Variants in VANGL1 observed in about 807,000 individuals in gnomAD.
VANGL1 encodes the protein vang-like protein 1.
VANGL1 carries 18 observed loss-of-function variants against 48.4 expected under a neutral mutation model. That is an observed-to-expected ratio of 0.37 (90% CI 0.26 to 0.55). VANGL1 has a LOEUF of 0.55. VANGL1 is among the 20% of genes least tolerant of loss of function. VANGL1 has a pLI of 0.81. For missense variants in VANGL1, 667 were observed against 675.8 expected (o/e 0.99, Z 0.14); for synonymous variants, 257 against 261.8 (o/e 0.98, Z 0.18).
At chr1:115,654,575 T>C (rs954064983) in intron 2 of VANGL1, among the ~76,000 whole-genome samples, 3 of 151,850 alleles carry the variant, frequency 2.0e-5, no homozygotes, top group Non-Finnish European at 1.5e-5. Context: ...TCTGATCAGT[T>C]TACCCACCAG....
chr1:115,659,908 TCTCTTGTTGGTCTAAGGA>T lies in VANGL1; in HGVS notation c.204+137_204+154del, dbSNP rs561196624. 1.8e-4 allele frequency: 228 copies of T among 1,263,112 alleles called. 1 individual carries two copies. In the African/African-American group the frequency reaches 3.0e-3, roughly 16 times the overall value. 78.2% of individuals were successfully genotyped at this position (1,263,112 alleles called of 1,614,324 possible). A position where few individuals can be genotyped will look rare whatever the true frequency, so the allele number is the denominator to read the frequency against. ...TAATTAGTTTATCTATGTCCCATGG[TCTCTTGTTGGTCTAAGGA>T]CAGCCTGTCCTGCCCTTTGGTAGCG... On this transcript the variant is annotated intron_variant, in intron 3 of 7. Coordinates refer to ENST00000355485, the MANE Select transcript of VANGL1 (RefSeq NM_138959.3).
Position 115,685,516 on chromosome 1 carries a change from A to G in VANGL1, c.1303A>G (p.Met435Val). The change falls in exon 7 of 8, where the codon ATG becomes GTG. Residue 435 changes from methionine (M) to valine (V), a missense_variant. Coordinates refer to ENST00000355485, the MANE Select transcript of VANGL1 (RefSeq NM_138959.3). ...QHLAFCITNG[M>V]TPKAFLERYL... Reference sequence around the variant, plus strand: ...CCTGGCCTTCTGCATCACCAACGGCATGACCCCCAAGGTGCGCTGCTCCGG... The same window carrying G: ...CCTGGCCTTCTGCATCACCAACGGCGTGACCCCCAAGGTGCGCTGCTCCGG... 3.7e-6 allele frequency: 6 copies of G among 1,614,048 alleles called. No individual in the cohort carries two copies. The highest frequency in any genetic ancestry group is 5.1e-6 in the Non-Finnish European group (6 of 1,180,016).
chr1:115,675,213 A>T (rs921558612), intron 4 of VANGL1, among the ~76,000 whole-genome samples: 1 of 152,190 alleles, frequency 6.6e-6, no homozygotes, highest in Non-Finnish European at 1.5e-5. Flanking sequence ...AAGAATTGTT[A>T]TATGGCTGCC....
At position 115,687,194 on chromosome 1, in the gene VANGL1, A is replaced by G. The variant is rs1017060392; in HGVS notation, c.1314+1667A>G. The stretch of plus-strand genomic sequence containing the variant: ...TACAATCATATATACACATGAATAT[A>G]CACAAAGGTGGTGTTTTGCAAAACA... On this transcript the variant is annotated intron_variant, in intron 7 of 7. Coordinates refer to ENST00000355485, the MANE Select transcript of VANGL1 (RefSeq NM_138959.3). 5.7e-5 allele frequency among the ~76,000 whole-genome samples: 8 copies of G among 139,246 alleles called. 2 individuals are homozygous for G. The highest frequency in any genetic ancestry group is 2.2e-4 in the African/African-American group (8 of 37,194). The allele number at this position is 139,246 out of a possible 152,430, so 91.4% of individuals were successfully genotyped here.
rs1653926919 is a variant in VANGL1, at chr1:115,693,540, C to G, written c.*2161C>G. On this transcript the variant is annotated 3_prime_UTR_variant, in exon 8 of 8. Coordinates refer to ENST00000355485, the MANE Select transcript of VANGL1 (RefSeq NM_138959.3). Reference sequence around the variant, plus strand: ...TTAAAGAATTTATTTTCTCTCTCCCCCTTCCTCTTTCTCCCAGTCTTTGCA... The same window carrying G: ...TTAAAGAATTTATTTTCTCTCTCCCGCTTCCTCTTTCTCCCAGTCTTTGCA... 1 of 152,286 alleles carries G rather than the reference C, an allele frequency of 6.6e-6. No homozygotes were observed. Among genetic ancestry groups the G allele is most frequent in the East Asian group, 1.9e-4 (1 of 5,198 alleles). The allele number at this position is 152,286 out of a possible 1,614,324, so 9.4% of individuals were successfully genotyped here. A position where few individuals can be genotyped will look rare whatever the true frequency, so the allele number is the denominator to read the frequency against.
rs183938394 is a variant in VANGL1 at position 115,691,597 on chromosome 1, G to T, written c.*218G>T. The T allele has an allele frequency of 3.8e-6, 2 of 521,892 alleles. No homozygotes were observed. The highest frequency in any genetic ancestry group is 6.5e-6 in the Non-Finnish European group (2 of 308,740). The allele number at this position is 521,892 out of a possible 1,614,324, so 32.3% of individuals were successfully genotyped here. ...TGACTGATGACATCTGACTTTTGTCGATGGGACTTCTCAAGAAGCCATTCC... is the reference window on the plus strand; with the variant it reads ...TGACTGATGACATCTGACTTTTGTCTATGGGACTTCTCAAGAAGCCATTCC... On this transcript the variant is annotated 3_prime_UTR_variant, in exon 8 of 8. Coordinates refer to ENST00000355485, the MANE Select transcript of VANGL1 (RefSeq NM_138959.3).
chr1:115,673,662 CG>C (rs1302803695), intron 4 of VANGL1, among the ~76,000 whole-genome samples: 1 of 141,914 alleles, frequency 7.0e-6, no homozygotes, highest in Non-Finnish European at 1.5e-5. Context: ...TGCCTTAGTG[CG>C]ATCTCAGCTC....
chr1:115,644,378 A>G (rs923899323), intron 1 of VANGL1, among the ~76,000 whole-genome samples: 33 of 152,244 alleles, frequency 2.2e-4, no homozygotes, highest in Non-Finnish European at 4.3e-4. Context: ...GACTATTACC[A>G]TCATCTCTGT....
Position 115,663,598 on chromosome 1 carries a change from T to C in VANGL1, c.205-63T>C, listed in dbSNP as rs145757689. ...GATGCAGCGGGCCCTGCATGTTCAC[T>C]GCCCTTTGTAGCTTTTACAAATGAC... On this transcript the variant is annotated intron_variant, in intron 3 of 7. Transcript: ENST00000355485. 432 of 1,611,848 alleles carry C rather than the reference T, an allele frequency of 2.7e-4. 5 individuals are homozygous for C. In the East Asian group the frequency reaches 8.6e-3, roughly 32 times the overall value.
intron 3 of VANGL1, 54 bp downstream of exon 3, chr1:115,659,827 CTG>C: frequency 1.2e-6 from 2 of 1,611,738 alleles, no homozygotes; most frequent in East Asian, 2.2e-5. Context: ...AGACTCCTGT[CTG>C]TAAATGTTTT....
chr1:115,665,950 T>C (rs1402060277), intron 4 of VANGL1, among the ~76,000 whole-genome samples: 1 of 152,090 alleles, frequency 6.6e-6, no homozygotes, highest in African/African-American at 2.4e-5. Flanking sequence ...CGCTGTCTGG[T>C]GGACAGGTGC....
chr1:115,649,583 A>G (rs1445358628), intron 1 of VANGL1, among the ~76,000 whole-genome samples: 2 of 152,366 alleles, frequency 1.3e-5, no homozygotes, highest in East Asian at 3.9e-4. Flanking sequence ...TCGTTTACCT[A>G]GCACATCTGG....
intron 2 of VANGL1, among the ~76,000 whole-genome samples, 196 bp from the exon 3 acceptor site, chr1:115,659,445 T>A (rs1652462945): frequency 6.6e-6 from 1 of 151,796 alleles, no homozygotes; most frequent in Non-Finnish European, 1.5e-5. Flanking sequence ...AAATATTTAG[T>A]AGGGAGTAAA....
chr1:115,672,901 A>G (rs950081967), intron 4 of VANGL1, among the ~76,000 whole-genome samples: 1 of 152,178 alleles, frequency 6.6e-6, no homozygotes, highest in Non-Finnish European at 1.5e-5. Flanking sequence ...GACTGAAGTC[A>G]TTTATCTCCA....
intron 2 of VANGL1, among the ~76,000 whole-genome samples, chr1:115,657,275 G>A (rs1161220535): frequency 6.6e-6 from 1 of 152,172 alleles, no homozygotes; most frequent in Admixed American, 6.5e-5. Context: ...AAGGGTGTGA[G>A]AATGAGCTTT....
chr1:115,690,512 A>G (rs989631052), intron 7 of VANGL1, among the ~76,000 whole-genome samples: 15 of 152,198 alleles, frequency 9.9e-5, no homozygotes, highest in African/African-American at 3.6e-4. Flanking sequence ...CTTGCTTACC[A>G]TGTCGGGCAT....
At chr1:115,685,235 G>A in intron 6 of VANGL1, 58 bp from the exon 7 acceptor site, 1 of 1,594,094 alleles carries the variant, frequency 6.3e-7, no homozygotes, top group Non-Finnish European at 8.6e-7. Context: ...GCGTCATTCT[G>A]TTCTCACACC....
rs1269474402 is a variant in VANGL1 at position 115,689,989 on chromosome 1, G to A, written c.1315-1130G>A. Among the ~76,000 whole-genome samples, 2 of 138,748 alleles carry A rather than the reference G, an allele frequency of 1.4e-5. 1 individual carries two copies. Among genetic ancestry groups the A allele is most frequent in the Non-Finnish European group, 3.2e-5 (2 of 63,360 alleles). 91.0% of individuals were successfully genotyped at this position (138,748 alleles called of 152,430 possible). On this transcript the variant is annotated intron_variant, in intron 7 of 7. Transcript: ENST00000355485. ...AAAATCTGTTCTTGACTCTGTCTGG[G>A]ACCTGATTGATATATCCCAGTATGT...
chr1:115,679,359 C>T (rs1267174518), intron 4 of VANGL1, among the ~76,000 whole-genome samples: 1 of 152,238 alleles, frequency 6.6e-6, no homozygotes, highest in Non-Finnish European at 1.5e-5. Context: ...GCCTGTGACA[C>T]CCAGGGCTGG....
Sources: allele counts gnomAD v4.1 joint callset (sites outside exome capture counted in the v4.1 genomes callset), GRCh38; gene constraint gnomAD v4.1.1; transcripts MANE v1.5; gene names NCBI Gene and HGNC (gene_info 2026-07-23, HGNC 2026-07-21).